Variants in CNTFR observed in about 807,000 individuals in gnomAD.
The protein encoded by CNTFR is ciliary neurotrophic factor receptor.
A neutral mutation model predicts 40.4 loss-of-function variants in CNTFR; 12 were observed. The observed-to-expected ratio is 0.30, with a 90% CI of 0.19 to 0.48. The LOEUF (loss-of-function observed/expected upper bound fraction) is 0.48. CNTFR is among the 20% of genes least tolerant of loss of function. CNTFR has a pLI of 0.99. For synonymous variants in CNTFR, 202 were observed against 209.6 expected, an observed-to-expected ratio of 0.96 and a Z score of 0.31; for missense variants, 414 against 506.8, an observed-to-expected ratio of 0.82 and a Z score of 1.76.
At chr9:34,567,646 C>T (rs1308600114) in intron 3 of CNTFR, among the ~76,000 whole-genome samples, 2 of 152,108 alleles carry the variant, frequency 1.3e-5, no homozygotes, top group African/African-American at 4.8e-5. Context: ...CAAAGAGAAA[C>T]AGAGAGACAC....
chr9:34,575,706 G>A (rs936327007), intron 2 of CNTFR, among the ~76,000 whole-genome samples: 2 of 22,394 alleles, frequency 8.9e-5, no homozygotes, highest in South Asian at 1.3e-3. Context: ...CACACACCCC[G>A]GGGGGTGGGG....
chr9:34,573,996 TAGTC>T (rs1293594821), intron 2 of CNTFR, among the ~76,000 whole-genome samples: 1 of 152,014 alleles, frequency 6.6e-6, no homozygotes, highest in Non-Finnish European at 1.5e-5. Context: ...CTGGAAGAGA[TAGTC>T]AGGGCAGGCG....
intron 4 of CNTFR, among the ~76,000 whole-genome samples, chr9:34,558,689 C>T (rs1430745293): frequency 6.6e-6 from 1 of 152,158 alleles, no homozygotes; most frequent in African/African-American, 2.4e-5. Flanking sequence ...AAGGAAGCTG[C>T]TGTTCCCTTT....
At chr9:34,554,909 A>G (rs1300578039) in intron 7 of CNTFR, among the ~76,000 whole-genome samples, 1 of 152,230 alleles carries the variant, frequency 6.6e-6, no homozygotes, top group African/African-American at 2.4e-5. Context: ...GATGCACTAC[A>G]GGCCACGCAT....
In CNTFR at chr9:34,564,812, C is replaced by T. The variant is rs771804172; in HGVS notation, c.106G>A (p.Glu36Lys). 27 of 1,613,430 alleles carry T rather than the reference C, an allele frequency of 1.7e-5. No homozygotes were observed. The highest frequency in any genetic ancestry group is 1.3e-4 in the East Asian group (6 of 44,866). The change falls in exon 4 of 10, where the codon GAG (glutamate) becomes AAG (lysine). Residue 36 changes from glutamate (E) to lysine (K), a missense_variant. Glu to Lys is a moderately conservative substitution (Grantham distance 56). Transcript: ENST00000378980. ...SPQEAPHVQY[E>K]RLGSDVTLPC... ...AGTGTCACGTCAGAGCCCAGGCGCT[C>T]GTACTGCACATGGGGTGCCTCTGTG...
At chr9:34,555,683 G>A (rs943727375) in intron 7 of CNTFR, among the ~76,000 whole-genome samples, 2 of 152,050 alleles carry the variant, frequency 1.3e-5, no homozygotes, top group Admixed American at 6.5e-5. Context: ...ATGCCAGTCA[G>A]GGCCTAAACT....
chr9:34,575,659 TCACA>T (rs1252572864), intron 2 of CNTFR, among the ~76,000 whole-genome samples: 1 of 149,862 alleles, frequency 6.7e-6, no homozygotes, highest in African/African-American at 2.5e-5. Context: ...GCAAGCAAGC[TCACA>T]CACACACCCA....
At chr9:34,567,888 AC>A (rs965205616) in intron 3 of CNTFR, 8 of 152,178 alleles carry the variant, frequency 5.3e-5, no homozygotes, top group African/African-American at 1.9e-4. Context: ...CAAGGTAGAG[AC>A]CACTGGCAGG....
In CNTFR at chr9:34,557,464, G is replaced by C; in HGVS notation, c.604+62C>G. ...ATGCATGTGGACATCCCCACCAATG[G>C]CACACATCCACTTACATTCCCACTG... On this transcript the variant is annotated intron_variant, in intron 6 of 9. Transcript: ENST00000378980. The surrounding 1 kb of genome is among the most constrained non-coding windows in gnomAD (Gnocchi z 4.2). 1.3e-6 allele frequency: 2 copies of C among 1,573,676 alleles called. No homozygotes were observed. Among genetic ancestry groups the C allele is most frequent in the Non-Finnish European group, 8.7e-7 (1 of 1,151,452 alleles).
At chr9:34,582,276 C>CAAAAAAAAAAAAAAA (rs10601840) in intron 1 of CNTFR, 13 of 126,534 alleles carry the variant, frequency 1.0e-4, no homozygotes, top group African/African-American at 3.7e-4. Context: ...AACCCTATGG[C>CAAAAAAAAAAAAAAA]AAAAAAAAAA....
At chr9:34,578,111 A>G (rs1052921696) in intron 2 of CNTFR, among the ~76,000 whole-genome samples, 1 of 151,166 alleles carries the variant, frequency 6.6e-6, no homozygotes, top group Admixed American at 6.6e-5. Flanking sequence ...GGGCCCGGGC[A>G]GCCGGAACGA....
intron 4 of CNTFR, among the ~76,000 whole-genome samples, chr9:34,559,838 C>T (rs982762110): frequency 1.5e-4 from 23 of 152,158 alleles, no homozygotes; most frequent in African/African-American, 3.9e-4. Context: ...CGGGCCACGG[C>T]ACTGTACTCA....
At chr9:34,582,294 A>C (rs1044734288) in intron 1 of CNTFR, 5 of 142,768 alleles carry the variant, frequency 3.5e-5, no homozygotes, top group Admixed American at 1.4e-4. Flanking sequence ...AAAAAAAAAA[A>C]AAACACAAGC....
In CNTFR at chr9:34,551,866, CCT is replaced by C. The variant is rs2132107470; in HGVS notation, c.*203_*204del. 1 of 676,794 alleles carries C rather than the reference CCT, an allele frequency of 1.5e-6. No homozygotes were observed. The allele number at this position is 676,794 out of a possible 1,614,324, so 41.9% of individuals were successfully genotyped here. A position where few individuals can be genotyped will look rare whatever the true frequency, so the allele number is the denominator to read the frequency against. Reference sequence around the variant, plus strand: ...TGGGTTAGCTGCATGGCCCACCTCCCCTGAGGGAGGAAGGAGGGCCAGCTTGG... The same window carrying C: ...TGGGTTAGCTGCATGGCCCACCTCCCGAGGGAGGAAGGAGGGCCAGCTTGG... On this transcript the variant is annotated 3_prime_UTR_variant, in exon 10 of 10. Transcript: ENST00000378980.
intron 4 of CNTFR, among the ~76,000 whole-genome samples, chr9:34,558,199 GA>G (rs1448595661): frequency 6.6e-6 from 1 of 152,124 alleles, no homozygotes; most frequent in African/African-American, 2.4e-5. Context: ...TGCGGACACG[GA>G]ACCCCCCCTC....
At chr9:34,570,380 C>G (rs1826537600) in intron 2 of CNTFR, among the ~76,000 whole-genome samples, 1 of 152,224 alleles carries the variant, frequency 6.6e-6, no homozygotes, top group Non-Finnish European at 1.5e-5. Flanking sequence ...AAGGACTCAG[C>G]TAGACCCAGG....
At chr9:34,578,674 A>ACC (rs1260101165) in intron 2 of CNTFR, among the ~76,000 whole-genome samples, 1 of 152,082 alleles carries the variant, frequency 6.6e-6, no homozygotes, top group South Asian at 2.1e-4. Flanking sequence ...CTCCCAGCCT[A>ACC]CCCCCAGGTC....
At chr9:34,584,142 T>C (rs561246908) in intron 1 of CNTFR, among the ~76,000 whole-genome samples, 1 of 152,306 alleles carries the variant, frequency 6.6e-6, no homozygotes, top group East Asian at 1.9e-4. Flanking sequence ...CTGAAGCTGG[T>C]CTTGAAATGG....
At position 34,551,630 on chromosome 9, in the gene CNTFR, G is replaced by C; in HGVS notation, c.*441C>G. 3.1e-6 allele frequency: 1 copy of C among 317,774 alleles called. No homozygotes were observed. The highest frequency in any genetic ancestry group is 3.0e-5 in the South Asian group (1 of 33,500). 19.7% of individuals were successfully genotyped at this position (317,774 alleles called of 1,614,324 possible). On this transcript the variant is annotated 3_prime_UTR_variant, in exon 10 of 10. Coordinates refer to ENST00000378980, the MANE Select transcript of CNTFR (RefSeq NM_147164.3). Reference sequence around the variant, plus strand: ...AGAGGGGAGGGGACTGAAAATTGTGGGTGCTGGGGGGAGGGGGATGGCTGG... The same window carrying C: ...AGAGGGGAGGGGACTGAAAATTGTGCGTGCTGGGGGGAGGGGGATGGCTGG...
Sources: gnomAD v4.1 joint callset for allele counts (sites outside exome capture counted in the v4.1 genomes callset) on GRCh38, gnomAD v4.1.1 for gene constraint, Gnocchi (gnomAD v3.1) non-coding constraint, MANE v1.5 for transcripts, NCBI Gene and HGNC (gene_info 2026-07-23, HGNC 2026-07-21) for gene names.